The following RAVER2 variants were observed in gnomAD, a reference collection of about 807,000 sequenced individuals.
RAVER2 encodes the protein ribonucleoprotein, PTB binding 2.
RAVER2 carries 46 observed loss-of-function variants against 78.1 expected under a neutral mutation model. The ratio of observed to expected loss-of-function variants is 0.59; its 90% CI spans 0.46 to 0.75. RAVER2 has a LOEUF of 0.75. Ranked by LOEUF, RAVER2 falls within the 30% of genes least tolerant of loss-of-function variation. The pLI is 0.00. For missense variants in RAVER2, 793 were observed against 837.5 expected (o/e 0.95, Z 0.66); for synonymous variants, 311 against 313.3 (o/e 0.99, Z 0.08).
intron 11 of RAVER2, among the ~76,000 whole-genome samples, chr1:64,820,028 T>C (rs1296432588): frequency 1.1e-4 from 17 of 152,176 alleles, no homozygotes; most frequent in African/African-American, 4.1e-4. Flanking sequence ...ATAATGTATA[T>C]AGATATAGTA....
exon 8 of RAVER2, chr1:64,805,073 A>T: frequency 4.3e-6 from 7 of 1,614,066 alleles, no homozygotes; most frequent in Non-Finnish European, 5.9e-6. Flanking sequence ...TTGAAAAAGG[A>T]GTTGGGACAT....
chr1:64,795,119 A>G (rs1192586898), intron 5 of RAVER2, among the ~76,000 whole-genome samples: 4 of 152,130 alleles, frequency 2.6e-5, no homozygotes, highest in African/African-American at 7.2e-5. Flanking sequence ...AGTTCACCAT[A>G]TATGCATGAG....
At chr1:64,814,715 A>G (rs758498708) in exon 11 of RAVER2, 12 of 1,471,686 alleles carry the variant, frequency 8.2e-6, no homozygotes, top group Non-Finnish European at 1.1e-5. Context: ...CCCTGCAAGT[A>G]AAACCACTCT....
intron 5 of RAVER2, among the ~76,000 whole-genome samples, chr1:64,793,241 C>T (rs1652993620): frequency 6.6e-6 from 1 of 152,278 alleles, no homozygotes; most frequent in East Asian, 1.9e-4. Flanking sequence ...TATACCCTTG[C>T]TCTGCTTCTT....
exon 4 of RAVER2, chr1:64,781,513 G>C: frequency 6.2e-7 from 1 of 1,614,192 alleles, no homozygotes; most frequent in Non-Finnish European, 8.5e-7. Flanking sequence ...GTTTCCTTCT[G>C]TGCTCCTGGA....
intron 5 of RAVER2, among the ~76,000 whole-genome samples, chr1:64,797,783 G>A (rs1351501641): frequency 2.0e-5 from 3 of 151,698 alleles, no homozygotes; most frequent in Admixed American, 2.0e-4. Flanking sequence ...ATGTTTATAT[G>A]TTTAACAAAA....
intron 11 of RAVER2, among the ~76,000 whole-genome samples, chr1:64,826,998 T>C (rs544815175): frequency 1.2e-3 from 183 of 152,284 alleles, no homozygotes; most frequent in Non-Finnish European, 2.3e-3. Context: ...ATAAGATCCC[T>C]AAGTGAAGAT....
chr1:64,745,096 C>G lies in RAVER2; in HGVS notation c.-77C>G, dbSNP rs1355102395. On this transcript the variant is annotated 5_prime_UTR_variant, in exon 1 of 12. Coordinates refer to ENST00000294428, the Ensembl canonical transcript of RAVER2. This position sits in a 1 kb window ranked among gnomAD's most constrained non-coding sequence, Gnocchi z 4.3. ...CGGCCTCTGCCCGCCTCGCCCTCGC[C>G]CGGGCCTCCTCCCGCTTTCTCTCTC... The G allele has an allele frequency of 1.0e-6, 1 of 1,004,628 alleles. No homozygotes were observed. The allele number at this position is 1,004,628 out of a possible 1,614,324, so 62.2% of individuals were successfully genotyped here.
At chr1:64,758,031 C>A (rs1651900714) in intron 1 of RAVER2, among the ~76,000 whole-genome samples, 1 of 152,182 alleles carries the variant, frequency 6.6e-6, no homozygotes, top group African/African-American at 2.4e-5. Context: ...CAGGCTCCAT[C>A]CTCCTGCACT....
intron 1 of RAVER2, among the ~76,000 whole-genome samples, chr1:64,749,645 A>T (rs1474258457): frequency 6.6e-6 from 1 of 152,224 alleles, no homozygotes; most frequent in African/African-American, 2.4e-5. Flanking sequence ...TATAGTGAAT[A>T]ATATTTATAA....
intron 1 of RAVER2, among the ~76,000 whole-genome samples, chr1:64,756,092 C>T (rs1651850630): frequency 6.6e-6 from 1 of 152,100 alleles, no homozygotes; most frequent in Non-Finnish European, 1.5e-5. Flanking sequence ...ATATATTGCA[C>T]TTTTTGTAGA....
intron 10 of RAVER2, 59 bp from the exon 11 acceptor site, chr1:64,814,645 T>C (rs1653709832): frequency 1.0e-6 from 1 of 954,500 alleles, no homozygotes. Context: ...ATAACCTAAA[T>C]AAAATAAATT....
intron 11 of RAVER2, among the ~76,000 whole-genome samples, chr1:64,829,157 A>G (rs1311511988): frequency 1.3e-5 from 2 of 152,230 alleles, no homozygotes; most frequent in African/African-American, 2.4e-5. Context: ...CTGGCTTCTG[A>G]CAGTGAAGAT....
At chr1:64,784,383 A>C (rs1652721377) in intron 4 of RAVER2, among the ~76,000 whole-genome samples, 1 of 152,182 alleles carries the variant, frequency 6.6e-6, no homozygotes, top group Non-Finnish European at 1.5e-5. Context: ...TCTCAAAAAC[A>C]AAGCAAAACA....
At chr1:64,761,333 C>A (rs886747925) in intron 1 of RAVER2, among the ~76,000 whole-genome samples, 1 of 152,150 alleles carries the variant, frequency 6.6e-6, no homozygotes, top group Non-Finnish European at 1.5e-5. Flanking sequence ...TTGGGCCCCC[C>A]CCAAAATTCA....
At chr1:64,768,701 G>A (rs1175190550) in exon 2 of RAVER2, 4 of 1,559,998 alleles carry the variant, frequency 2.6e-6, no homozygotes, top group South Asian at 1.1e-5. Context: ...ATATTGTTAT[G>A]TGGACAGAAA....
At chr1:64,779,287 A>G (rs1652561568) in intron 3 of RAVER2, among the ~76,000 whole-genome samples, 1 of 152,054 alleles carries the variant, frequency 6.6e-6, no homozygotes, top group African/African-American at 2.4e-5. Context: ...ACAAGCTCCC[A>G]CACAAATCAC....
intron 1 of RAVER2, among the ~76,000 whole-genome samples, chr1:64,748,244 T>C (rs534844846): frequency 2.6e-5 from 4 of 152,376 alleles, no homozygotes; most frequent in African/African-American, 9.6e-5. Context: ...GCCTAAGCTT[T>C]CTGGAATCTT....
exon 8 of RAVER2, chr1:64,805,102 A>G: frequency 1.2e-6 from 2 of 1,612,052 alleles, no homozygotes; most frequent in Non-Finnish European, 8.5e-7. Flanking sequence ...AGAAGCACAT[A>G]AAAGTAAATG....
Sources: gnomAD v4.1 joint callset for allele counts (sites outside exome capture counted in the v4.1 genomes callset) on GRCh38, gnomAD v4.1.1 for gene constraint, Gnocchi (gnomAD v3.1) non-coding constraint, MANE v1.5 for transcripts, NCBI Gene and HGNC (gene_info 2026-07-23, HGNC 2026-07-21) for gene names.